Variants in SGCD observed in about 807,000 individuals in gnomAD.
SGCD encodes the protein delta-sarcoglycan.
Under a neutral mutation model 36.6 loss-of-function variants are expected in SGCD, and 18 were observed. That is an observed-to-expected ratio of 0.49 (90% CI 0.34 to 0.73). The LOEUF is 0.73. Ranked by LOEUF, SGCD falls within the 30% of genes least tolerant of loss-of-function variation. The pLI, the probability that SGCD is intolerant of heterozygous loss-of-function variation, is 0.01. For synonymous variants in SGCD, 133 were observed against 130.6 expected (o/e 1.02, Z -0.12); for missense variants, 387 against 346.7 (o/e 1.12, Z -0.92).
chr5:156,118,561 C>G (rs780450312), intron 2 of SGCD, among the ~76,000 whole-genome samples: 1 of 152,098 alleles, frequency 6.6e-6, no homozygotes, highest in Non-Finnish European at 1.5e-5. Context: ...CAAAGCCCAA[C>G]CCATGTTTAA....
the SGCD span, among the ~76,000 whole-genome samples, chr5:155,812,150 C>T: frequency 1.3e-5 from 2 of 152,152 alleles, no homozygotes; most frequent in Non-Finnish European, 2.9e-5. Flanking sequence ...TATGCCTTAA[C>T]CCTAAAGAGG....
intron 3 of SGCD, among the ~76,000 whole-genome samples, chr5:156,427,314 G>A (rs1416491812): frequency 6.6e-6 from 1 of 151,988 alleles, no homozygotes; most frequent in East Asian, 1.9e-4. Flanking sequence ...TTGTAAAAGG[G>A]ATCATGTTCT....
At chr5:156,190,694 T>A (rs1581158522) in intron 3 of SGCD, among the ~76,000 whole-genome samples, 2 of 152,100 alleles carry the variant, frequency 1.3e-5, no homozygotes, top group East Asian at 3.8e-4. Context: ...AAGTTGTATA[T>A]TATATTAGAG....
chr5:156,008,733 A>C (rs1758800786), intron 1 of SGCD, among the ~76,000 whole-genome samples: 1 of 152,192 alleles, frequency 6.6e-6, no homozygotes, highest in Admixed American at 6.5e-5. Flanking sequence ...ATCCTACTCC[A>C]ATATGACTTT....
At chr5:155,998,248 G>T (rs1311600900) in intron 1 of SGCD, among the ~76,000 whole-genome samples, 1 of 152,040 alleles carries the variant, frequency 6.6e-6, no homozygotes, top group East Asian at 1.9e-4. Flanking sequence ...AATAGGGCTT[G>T]GCAAATGTAG....
At chr5:155,899,683 A>C (rs559555124) in intron 1 of SGCD, among the ~76,000 whole-genome samples, 2 of 152,250 alleles carry the variant, frequency 1.3e-5, no homozygotes, top group East Asian at 3.9e-4. Context: ...CCCCATCACA[A>C]TTAGTTAGAA....
At chr5:156,639,142 ATATGTGTATATGTG>A (rs1382823121) in intron 6 of SGCD, among the ~76,000 whole-genome samples, 4 of 151,912 alleles carry the variant, frequency 2.6e-5, no homozygotes, top group African/African-American at 9.7e-5. Context: ...TCATATATAC[ATATGTGTATATGTG>A]TATGTGTATA....
At chr5:155,779,859 T>C in the SGCD span, among the ~76,000 whole-genome samples, 35 of 152,276 alleles carry the variant, frequency 2.3e-4, no homozygotes, top group African/African-American at 8.4e-4. Flanking sequence ...TGAAGGGATA[T>C]CATATTTTAA....
intron 1 of SGCD, among the ~76,000 whole-genome samples, chr5:155,911,293 A>G (rs1003795114): frequency 7.1e-5 from 10 of 141,664 alleles, no homozygotes; most frequent in South Asian, 2.4e-4. Context: ...AGTATAGTAT[A>G]TGTGTGTGTG....
intron 3 of SGCD, among the ~76,000 whole-genome samples, chr5:156,254,264 T>C (rs1765656144): frequency 6.6e-6 from 1 of 152,314 alleles, no homozygotes; most frequent in East Asian, 1.9e-4. Context: ...TAGGGTACAC[T>C]GCACAACATG....
chr5:156,426,037 C>T (rs933415250), intron 3 of SGCD, among the ~76,000 whole-genome samples: 6 of 152,032 alleles, frequency 3.9e-5, no homozygotes, highest in Non-Finnish European at 8.8e-5. Flanking sequence ...GCATGGGTCT[C>T]TTTCATGTAA....
intron 4 of SGCD, among the ~76,000 whole-genome samples, chr5:156,577,825 A>G (rs991419967): frequency 2.6e-5 from 4 of 152,210 alleles, no homozygotes; most frequent in African/African-American, 4.8e-5. Flanking sequence ...GGCTGAGGCA[A>G]TGGGGTTTTC....
chr5:156,392,372 G>A (rs1401778997), intron 3 of SGCD, among the ~76,000 whole-genome samples: 2 of 152,142 alleles, frequency 1.3e-5, no homozygotes, highest in African/African-American at 4.8e-5. Context: ...AAGTTCCCTT[G>A]CCCCCTCTTA....
chr5:156,073,710 C>G (rs1218309741), intron 1 of SGCD, among the ~76,000 whole-genome samples: 1 of 152,186 alleles, frequency 6.6e-6, no homozygotes, highest in African/African-American at 2.4e-5. Flanking sequence ...TGTTCTCTAC[C>G]CATGAAGATC....
At chr5:156,128,487 A>C (rs932118850) in intron 3 of SGCD, among the ~76,000 whole-genome samples, 1 of 152,244 alleles carries the variant, frequency 6.6e-6, no homozygotes, top group Non-Finnish European at 1.5e-5. Flanking sequence ...TAACAAAAAA[A>C]AATGGATAAA....
the SGCD span, among the ~76,000 whole-genome samples, chr5:155,811,846 G>A: frequency 2.0e-5 from 3 of 152,156 alleles, no homozygotes; most frequent in Non-Finnish European, 2.9e-5. Flanking sequence ...ATTTGATTAT[G>A]AGGTGAGATG....
At chr5:156,729,289 T>C (rs771250878) in intron 7 of SGCD, among the ~76,000 whole-genome samples, 4 of 152,220 alleles carry the variant, frequency 2.6e-5, no homozygotes, top group Admixed American at 6.5e-5. Flanking sequence ...GTCCTTCTTA[T>C]AGCCACATGC....
intron 1 of SGCD, among the ~76,000 whole-genome samples, chr5:155,911,315 G>GTATA (rs200393489): frequency 3.4e-5 from 4 of 119,368 alleles, no homozygotes; most frequent in African/African-American, 1.3e-4. Context: ...GTGTGTGTGT[G>GTATA]TGTGTATATA....
intron 3 of SGCD, among the ~76,000 whole-genome samples, chr5:156,214,094 G>C (rs1405082484): frequency 6.6e-6 from 1 of 152,092 alleles, no homozygotes; most frequent in East Asian, 1.9e-4. Flanking sequence ...AAGATTGGAA[G>C]TCCTAGCCTG....
Sources: gnomAD v4.1 joint callset for allele counts (sites outside exome capture counted in the v4.1 genomes callset) on GRCh38, gnomAD v4.1.1 for gene constraint, MANE v1.5 for transcripts, NCBI Gene and HGNC (gene_info 2026-07-23, HGNC 2026-07-21) for gene names.